Variants in WWOX observed in about 807,000 individuals in gnomAD.
WWOX encodes the protein WW domain-containing oxidoreductase.
In WWOX, 69 loss-of-function variants were observed where a neutral mutation model predicts 46.2. That is an observed-to-expected ratio of 1.49 (90% CI 1.23 to 1.82). The LOEUF is 1.82. WWOX is among the 40% of genes most tolerant of loss of function. WWOX has a pLI of 0.00. For synonymous variants in WWOX, 359 were observed against 202.6 expected, an observed-to-expected ratio of 1.77 and a Z score of -6.56; for missense variants, 919 against 542.6, an observed-to-expected ratio of 1.69 and a Z score of -6.89.
chr16:78,293,978 G>GAAAAAACAAAA (rs2079900561), intron 5 of WWOX, among the ~76,000 whole-genome samples: 1 of 30,308 alleles, frequency 3.3e-5, no homozygotes, highest in African/African-American at 1.0e-4. Flanking sequence ...CTCTGTCTCA[G>GAAAAAACAAAA]AAAAAAAAAA....
intron 8 of WWOX, among the ~76,000 whole-genome samples, chr16:78,688,077 T>C (rs1051070962): frequency 5.4e-5 from 8 of 149,166 alleles, no homozygotes; most frequent in African/African-American, 2.0e-4. Context: ...CAGGCCACAA[T>C]TCAAATTCAC....
intron 8 of WWOX, chr16:79,202,588 G>C (rs529024875): frequency 2.0e-5 from 3 of 152,126 alleles, no homozygotes; most frequent in African/African-American, 7.2e-5. Flanking sequence ...ACTCGATTCC[G>C]GCAAGAGAAG....
At chr16:78,255,944 G>A (rs534579190) in intron 5 of WWOX, among the ~76,000 whole-genome samples, 14 of 151,976 alleles carry the variant, frequency 9.2e-5, no homozygotes, top group Non-Finnish European at 1.9e-4. Context: ...AAGGTAAGGG[G>A]TTTGAGACCA....
intron 5 of WWOX, among the ~76,000 whole-genome samples, chr16:78,319,691 T>G (rs1597477900): frequency 6.6e-6 from 1 of 152,236 alleles, no homozygotes; most frequent in South Asian, 2.1e-4. Flanking sequence ...CTATGCCATT[T>G]TTATCACATG....
At chr16:78,790,374 A>G (rs1460686596) in intron 8 of WWOX, among the ~76,000 whole-genome samples, 1 of 152,068 alleles carries the variant, frequency 6.6e-6, no homozygotes, top group Non-Finnish European at 1.5e-5. Flanking sequence ...ACATCAAGTG[A>G]TTTGCCCGCC....
chr16:78,902,167 C>G (rs142134040), intron 8 of WWOX, among the ~76,000 whole-genome samples: 3 of 152,172 alleles, frequency 2.0e-5, no homozygotes, highest in African/African-American at 7.2e-5. Context: ...TCTGGAGAAT[C>G]GGGCAGCCTG....
At chr16:78,133,349 C>T (rs917238158) in intron 4 of WWOX, among the ~76,000 whole-genome samples, 3 of 152,332 alleles carry the variant, frequency 2.0e-5, no homozygotes, top group African/African-American at 7.2e-5. Flanking sequence ...CAAGGTCCAC[C>T]TCCTGGGTAA....
chr16:78,955,894 C>T (rs1337459013), intron 8 of WWOX, among the ~76,000 whole-genome samples: 1 of 151,824 alleles, frequency 6.6e-6, no homozygotes, highest in Non-Finnish European at 1.5e-5. Context: ...TCTCCCATCC[C>T]CCCTCAGCCT....
intron 5 of WWOX, among the ~76,000 whole-genome samples, chr16:78,259,232 A>G (rs1387051652): frequency 6.6e-6 from 1 of 152,256 alleles, no homozygotes; most frequent in Non-Finnish European, 1.5e-5. Flanking sequence ...AAACTCTAAA[A>G]AGTGATACAA....
intron 5 of WWOX, among the ~76,000 whole-genome samples, chr16:78,207,877 A>G (rs765012790): frequency 6.6e-6 from 1 of 151,460 alleles, no homozygotes; most frequent in South Asian, 2.1e-4. Context: ...CAGTGGCGTG[A>G]TCTTGGTTCA....
chr16:78,867,006 C>T (rs1303964174), intron 8 of WWOX, among the ~76,000 whole-genome samples: 1 of 152,182 alleles, frequency 6.6e-6, no homozygotes, highest in Admixed American at 6.5e-5. Flanking sequence ...CATAAACGCT[C>T]CTATTGCAGG....
chr16:78,727,778 G>A (rs1252783252), intron 8 of WWOX, among the ~76,000 whole-genome samples: 3 of 152,078 alleles, frequency 2.0e-5, no homozygotes, highest in Non-Finnish European at 2.9e-5. Flanking sequence ...TTGTCTCCCT[G>A]GTGGTGAGAC....
intron 8 of WWOX, among the ~76,000 whole-genome samples, chr16:79,020,627 C>T (rs141179858): frequency 1.2e-3 from 188 of 152,128 alleles, no homozygotes; most frequent in Non-Finnish European, 1.6e-3. Context: ...AGAAAGATGG[C>T]GATGGGGAAG....
chr16:78,484,191 C>T (rs939326983), intron 8 of WWOX, among the ~76,000 whole-genome samples: 1 of 151,964 alleles, frequency 6.6e-6, no homozygotes, highest in African/African-American at 2.4e-5. Flanking sequence ...ATTATTACTG[C>T]ATAGGCTGGA....
intron 8 of WWOX, chr16:78,895,336 C>T (rs981128454): frequency 1.3e-5 from 2 of 152,168 alleles, no homozygotes; most frequent in African/African-American, 4.8e-5. Flanking sequence ...CATACAACAT[C>T]TTCCTTTCTC....
At chr16:79,049,106 C>A (rs189159802) in intron 8 of WWOX, among the ~76,000 whole-genome samples, 3 of 152,218 alleles carry the variant, frequency 2.0e-5, no homozygotes, top group Non-Finnish European at 2.9e-5. Context: ...CAGACTGTTT[C>A]TGCAAACAGC....
At chr16:78,422,720 C>CATATATATATATACACACACACAT in intron 6 of WWOX, among the ~76,000 whole-genome samples, 1 of 95,886 alleles carries the variant, frequency 1.0e-5, no homozygotes, top group Non-Finnish European at 1.9e-5. Flanking sequence ...TACACACACA[C>CATATATATATATACACACACACAT]ATATATATAT....
chr16:78,546,218 C>A (rs1266076756), intron 8 of WWOX, among the ~76,000 whole-genome samples: 2 of 152,110 alleles, frequency 1.3e-5, no homozygotes, highest in Non-Finnish European at 2.9e-5. Context: ...TGACTCTAAC[C>A]TTGTGTAGGA....
intron 8 of WWOX, among the ~76,000 whole-genome samples, chr16:78,464,108 A>G (rs1272582786): frequency 1.3e-5 from 2 of 151,620 alleles, no homozygotes; most frequent in African/African-American, 4.8e-5. Flanking sequence ...AAGGGCTCTG[A>G]CCCATTCATC....
Sources: gnomAD v4.1 joint callset for allele counts (sites outside exome capture counted in the v4.1 genomes callset) on GRCh38, gnomAD v4.1.1 for gene constraint, MANE v1.5 for transcripts, NCBI Gene and HGNC (gene_info 2026-07-23, HGNC 2026-07-21) for gene names.